The following BMPR1B variants were observed in gnomAD, a reference collection of about 807,000 sequenced individuals.
BMPR1B encodes the protein bone morphogenetic protein receptor type 1B, also known as bone morphogenetic protein receptor type-1B.
Under a neutral mutation model 59.1 loss-of-function variants are expected in BMPR1B, and 12 were observed. The observed-to-expected ratio is 0.20, with a 90% CI of 0.13 to 0.33. BMPR1B has a LOEUF of 0.33. Ranked by LOEUF, BMPR1B falls within the 10% of genes least tolerant of loss-of-function variation. The pLI is 1.00. For synonymous variants in BMPR1B, 237 were observed against 207.3 expected, an observed-to-expected ratio of 1.14 and a Z score of -1.23; for missense variants, 550 against 610.9, an observed-to-expected ratio of 0.90 and a Z score of 1.05.
rs568153337 is a variant in BMPR1B at position 95,156,798 on chromosome 4, G to C, written c.*2125G>C. On this transcript the variant is annotated 3_prime_UTR_variant, in exon 13 of 13. Transcript: ENST00000515059. ...TTCTCTTGTGTCAGTTATATTCTTA[G>C]GGATAGCCTAGAAGGAATATATGGT... The C allele has an allele frequency of 6.6e-6, 1 of 152,032 alleles. No homozygotes were observed. The highest frequency in any genetic ancestry group is 1.5e-5 in the Non-Finnish European group (1 of 67,982). The allele number at this position is 152,032 out of a possible 1,614,324, so 9.4% of individuals were successfully genotyped here.
In BMPR1B at chr4:94,847,084, C is replaced by T. The variant is rs373522361; in HGVS notation, c.-182-28747C>T. On this transcript the variant is annotated intron_variant, in intron 1 of 12. Transcript: ENST00000515059. ...ATAAATAACCAGAAAATATAAGGGG[C>T]TCAAACATTGAATGGGAAAAAATCT... 1.8e-4 allele frequency among the ~76,000 whole-genome samples: 28 copies of T among 152,170 alleles called. No individual in the cohort carries two copies. In the South Asian group the frequency reaches 4.1e-3, roughly 23 times the overall value.
intron 1 of BMPR1B, among the ~76,000 whole-genome samples, chr4:94,762,999 T>G (rs1158614662): frequency 6.6e-6 from 1 of 152,076 alleles, no homozygotes; most frequent in African/African-American, 2.4e-5. Context: ...CTTCTTTACT[T>G]CACCTCAAAT....
intron 1 of BMPR1B, among the ~76,000 whole-genome samples, chr4:94,794,946 A>G (rs1723130789): frequency 1.4e-5 from 2 of 147,338 alleles, no homozygotes; most frequent in Non-Finnish European, 3.0e-5. Flanking sequence ...TTCTAGATAT[A>G]CAATCATGTC....
chr4:95,064,426 G>A (rs1351707176), intron 3 of BMPR1B, among the ~76,000 whole-genome samples: 1 of 152,044 alleles, frequency 6.6e-6, no homozygotes, highest in Non-Finnish European at 1.5e-5. Flanking sequence ...CACAGTTGTG[G>A]GCTCCTTATG....
intron 4 of BMPR1B, among the ~76,000 whole-genome samples, chr4:95,107,514 T>A (rs1438568315): frequency 1.3e-5 from 2 of 152,050 alleles, no homozygotes; most frequent in Admixed American, 1.3e-4. Flanking sequence ...GATATACCAT[T>A]GCCGTCAACA....
At chr4:94,890,611 G>A (rs1727352716) in intron 2 of BMPR1B, among the ~76,000 whole-genome samples, 1 of 152,070 alleles carries the variant, frequency 6.6e-6, no homozygotes, top group African/African-American at 2.4e-5. Flanking sequence ...AACAACAGAA[G>A]TTTATTTTTT....
chr4:95,123,128 T>C (rs1732645208), intron 6 of BMPR1B, among the ~76,000 whole-genome samples: 1 of 152,174 alleles, frequency 6.6e-6, no homozygotes. Context: ...GAATCTGATT[T>C]GTCAAGAACT....
chr4:95,008,214 T>G (rs1722985015), intron 3 of BMPR1B, among the ~76,000 whole-genome samples: 1 of 152,210 alleles, frequency 6.6e-6, no homozygotes, highest in South Asian at 2.1e-4. Context: ...CGGGGAAAAG[T>G]GATGACAGCG....
chr4:94,778,088 G>T (rs1578632036), intron 1 of BMPR1B, among the ~76,000 whole-genome samples: 1 of 151,854 alleles, frequency 6.6e-6, no homozygotes, highest in African/African-American at 2.4e-5. Context: ...TTCTCTTAAA[G>T]GATATATAAT....
At chr4:94,832,489 G>A (rs1452192691) in intron 1 of BMPR1B, among the ~76,000 whole-genome samples, 1 of 152,124 alleles carries the variant, frequency 6.6e-6, no homozygotes, top group Non-Finnish European at 1.5e-5. Flanking sequence ...CATGTAGAAA[G>A]GTAGTGTAGC....
chr4:94,894,626 A>G (rs1452958605), intron 2 of BMPR1B, among the ~76,000 whole-genome samples: 2 of 152,020 alleles, frequency 1.3e-5, no homozygotes, highest in African/African-American at 2.4e-5. Context: ...ATTGTTCCCA[A>G]TAGAACGGTT....
chr4:94,819,427 C>G (rs1053315902), intron 1 of BMPR1B, among the ~76,000 whole-genome samples: 5 of 152,194 alleles, frequency 3.3e-5, no homozygotes, highest in African/African-American at 9.7e-5. Flanking sequence ...TAGGGAGCTG[C>G]CCTTTCTGAT....
At chr4:94,782,795 C>T (rs368063700) in intron 1 of BMPR1B, among the ~76,000 whole-genome samples, 2 of 152,148 alleles carry the variant, frequency 1.3e-5, no homozygotes, top group South Asian at 4.1e-4. Context: ...CATCTGGGCT[C>T]TCTCACAGGT....
intron 3 of BMPR1B, among the ~76,000 whole-genome samples, chr4:95,098,605 ATCTT>A (rs1479698558): frequency 6.6e-6 from 1 of 151,344 alleles, no homozygotes; most frequent in Non-Finnish European, 1.5e-5. Context: ...GCATCTTACC[ATCTT>A]TCTTTTTCAT....
At chr4:95,068,361 A>G (rs1283547601) in intron 3 of BMPR1B, among the ~76,000 whole-genome samples, 1 of 152,200 alleles carries the variant, frequency 6.6e-6, no homozygotes, top group Admixed American at 6.5e-5. Context: ...AGTACTGTCT[A>G]CATTGGGCAT....
chr4:94,960,165 G>A (rs7699472), intron 2 of BMPR1B, among the ~76,000 whole-genome samples: 76,216 of 151,828 alleles, frequency 0.5, 19,526 homozygotes, highest in South Asian at 0.6. Context: ...CTTTTGTCAT[G>A]AGTTATCTTT....
intron 3 of BMPR1B, among the ~76,000 whole-genome samples, chr4:95,032,559 T>C (rs532267514): frequency 1.3e-4 from 20 of 152,308 alleles, no homozygotes; most frequent in African/African-American, 4.3e-4. Context: ...GCAACAACCA[T>C]TCTACTTTCT....
At chr4:95,085,682 A>T (rs887776598) in intron 3 of BMPR1B, among the ~76,000 whole-genome samples, 2 of 152,188 alleles carry the variant, frequency 1.3e-5, no homozygotes, top group Non-Finnish European at 2.9e-5. Flanking sequence ...TAAATAGAAA[A>T]TATATAAGCA....
At chr4:94,925,620 A>G (rs959335536) in intron 2 of BMPR1B, among the ~76,000 whole-genome samples, 7 of 152,190 alleles carry the variant, frequency 4.6e-5, no homozygotes, top group African/African-American at 1.7e-4. Flanking sequence ...CCAAGAGCAC[A>G]TGCCTTAAAA....
Sources: gnomAD v4.1 joint callset for allele counts (sites outside exome capture counted in the v4.1 genomes callset) on GRCh38, gnomAD v4.1.1 for gene constraint, MANE v1.5 for transcripts, NCBI Gene and HGNC (gene_info 2026-07-23, HGNC 2026-07-21) for gene names.